The following STAT5B variants were observed in gnomAD, a reference collection of about 807,000 sequenced individuals.
STAT5B encodes signal transducer and activator of transcription 5B, also known as transcription factor STAT5B.
A neutral mutation model predicts 107.8 loss-of-function variants in STAT5B; 21 were observed. The ratio of observed to expected loss-of-function variants is 0.19; its 90% confidence interval spans 0.14 to 0.28. The LOEUF (loss-of-function observed/expected upper bound fraction) is 0.28, where lower values mean the gene tolerates loss of function less well. Ranked by LOEUF, STAT5B falls within the 10% of genes least tolerant of loss-of-function variation. The probability of loss-of-function intolerance (pLI) is 1.00; values close to 1 mark genes in which losing one functional copy is unlikely to be tolerated. For synonymous variants in STAT5B, 325 were observed against 401.7 expected (o/e 0.81, Z 2.28); for missense variants, 565 against 1,008.2 (o/e 0.56, Z 5.95).
chr17:42,285,655 A>G, the STAT5B span, among the ~76,000 whole-genome samples: 1 of 152,178 alleles, frequency 6.6e-6, no homozygotes, highest in Non-Finnish European at 1.5e-5. Flanking sequence ...AGGGGACTGA[A>G]AGCAAAAAGA....
intron 1 of STAT5B, among the ~76,000 whole-genome samples, chr17:42,250,333 T>C (rs542059310): frequency 3.3e-5 from 5 of 152,260 alleles, no homozygotes; most frequent in East Asian, 1.9e-4. Context: ...GAAATGAAGA[T>C]AGTATGGAGT....
upstream of STAT5B, among the ~76,000 whole-genome samples, chr17:42,279,329 A>G (rs1176100225): frequency 2.6e-5 from 4 of 152,232 alleles, no homozygotes; most frequent in Admixed American, 2.0e-4. Context: ...GTTGCGGGAA[A>G]TAAGTGTTTA....
chr17:42,276,519 C>G (rs1184811013), upstream of STAT5B: 1 of 151,066 alleles, frequency 6.6e-6, no homozygotes, highest in Non-Finnish European at 1.5e-5. The surrounding 1 kb of genome is among the most constrained non-coding windows in gnomAD (Gnocchi z 4.8). Context: ...GCTCGCTAGC[C>G]CGCTGTCCCT....
chr17:42,203,568 A>G (rs1039932371), intron 16 of STAT5B, among the ~76,000 whole-genome samples: 2 of 152,182 alleles, frequency 1.3e-5, no homozygotes, highest in African/African-American at 4.8e-5. Flanking sequence ...TTCTAAGTAG[A>G]ACTGCCAGGA....
chr17:42,239,693 T>C (rs1047191287), intron 1 of STAT5B, among the ~76,000 whole-genome samples: 1 of 152,226 alleles, frequency 6.6e-6, no homozygotes, highest in Non-Finnish European at 1.5e-5. Context: ...CAAGATTAAG[T>C]AGAATTGTAA....
chr17:42,267,649 G>A (rs114011386), intron 1 of STAT5B, among the ~76,000 whole-genome samples: 3,289 of 152,224 alleles, frequency 0.022, 108 homozygotes, highest in African/African-American at 0.076. Context: ...CTACAAAAGA[G>A]TTTAAAAGTG....
the STAT5B span, among the ~76,000 whole-genome samples, chr17:42,282,462 T>A: frequency 3.3e-5 from 5 of 152,166 alleles, no homozygotes; most frequent in East Asian, 9.6e-4. Flanking sequence ...TAGCTGGGAT[T>A]ACAGGCATCT....
the STAT5B span, among the ~76,000 whole-genome samples, chr17:42,285,505 G>A: frequency 5.2e-4 from 79 of 152,314 alleles, no homozygotes; most frequent in Admixed American, 1.2e-3. Flanking sequence ...GCCTCGGACC[G>A]CAGCTCAGTC....
chr17:42,236,726 C>A (rs575128259), intron 1 of STAT5B, among the ~76,000 whole-genome samples: 2 of 152,162 alleles, frequency 1.3e-5, no homozygotes, highest in African/African-American at 2.4e-5. Flanking sequence ...CGTGAGCCAG[C>A]GTGCCTGGCA....
At chr17:42,236,187 T>C (rs2080355292) in intron 1 of STAT5B, among the ~76,000 whole-genome samples, 1 of 152,208 alleles carries the variant, frequency 6.6e-6, no homozygotes, top group African/African-American at 2.4e-5. Flanking sequence ...AAATACAATA[T>C]AGTTTCACTA....
upstream of STAT5B, among the ~76,000 whole-genome samples, chr17:42,279,720 G>C (rs946574618): frequency 1.3e-5 from 2 of 151,834 alleles, no homozygotes; most frequent in Non-Finnish European, 2.9e-5. Context: ...AGAATCACTT[G>C]AAACTGGGAG....
chr17:42,224,411 C>A (rs1235583604), intron 4 of STAT5B, among the ~76,000 whole-genome samples: 2 of 151,608 alleles, frequency 1.3e-5, no homozygotes, highest in Non-Finnish European at 2.9e-5. Context: ...GCGATCATGG[C>A]TCACTGCAGC....
chr17:42,224,797 C>G lies in STAT5B; in HGVS notation c.357G>C (p.Leu119Phe), dbSNP rs1365904259. 7 of 1,613,726 alleles carry G rather than the reference C, an allele frequency of 4.3e-6. No individual in the cohort carries two copies. The highest frequency in any genetic ancestry group is 5.9e-6 in the Non-Finnish European group (7 of 1,179,852). The change falls in exon 4 of 19, where the codon TTG becomes TTC. Residue 119 changes from leucine (L) to phenylalanine (F), a missense_variant. This residue lies in a region of STAT5B where 54 missense variants were observed against 49.7 expected (regional missense o/e 1.09). Transcript: ENST00000293328. ...CACTCACATTGTTGGCTTCTCGGAC[C>G]AACCTCTGTTCATTGTACAATATAT... is the stretch of plus-strand genomic sequence containing the variant. ...IRHILYNEQR[L>F]VREANNGSSP...
chr17:42,284,995 A>G, the STAT5B span, among the ~76,000 whole-genome samples: 1 of 152,224 alleles, frequency 6.6e-6, no homozygotes, highest in Non-Finnish European at 1.5e-5. Context: ...CAGGATACGA[A>G]TATAGTGTGC....
Position 42,216,105 on chromosome 17 carries a change from G to A in STAT5B, c.1382C>T (p.Thr461Ile), listed in dbSNP as rs2080169504. 1 of 1,612,516 alleles carries A rather than the reference G, an allele frequency of 6.2e-7. No individual in the cohort carries two copies. Among genetic ancestry groups the A allele is most frequent in the Non-Finnish European group, 8.5e-7 (1 of 1,179,454 alleles). ...GGNELVFQVKTLSLPVVVIVH... is the reference protein window; with the variant it reads ...GGNELVFQVKILSLPVVVIVH... Reference sequence around the variant, plus strand: ...GATCACCACCACTGGCAGGGACAGGGTCTAAAAAGACACAAGAGAAGGCTG... The same window carrying A: ...GATCACCACCACTGGCAGGGACAGGATCTAAAAAGACACAAGAGAAGGCTG... Residue 461 changes from threonine to isoleucine, a missense_variant and splice_region_variant, in exon 12 of 19, where the codon ACC (threonine) becomes ATC (isoleucine). Thr to Ile is a moderately conservative substitution (Grantham distance 89). Transcript: ENST00000293328.
At chr17:42,275,031 G>C (rs954061700) in intron 1 of STAT5B, 1 of 152,208 alleles carries the variant, frequency 6.6e-6, no homozygotes, top group African/African-American at 2.4e-5. Context: ...GTATGGAATT[G>C]TATCTAGGCA....
At position 42,200,784 on chromosome 17, in the gene STAT5B, A is replaced by G. The variant is rs2080037463; in HGVS notation, c.*954T>C. On this transcript the variant is annotated 3_prime_UTR_variant, in exon 19 of 19. Coordinates refer to ENST00000293328, the MANE Select transcript of STAT5B (RefSeq NM_012448.4). ...TCAACATTTGCAAAAAGCATCATCA[A>G]TAAGCCTGAAGAAGGCCACGGACTG... 3 of 319,400 alleles carry G rather than the reference A, an allele frequency of 9.4e-6. No individual in the cohort carries two copies. The highest frequency in any genetic ancestry group is 6.4e-5 in the African/African-American group (3 of 47,178). 19.8% of individuals were successfully genotyped at this position (319,400 alleles called of 1,614,324 possible).
chr17:42,243,356 CA>C (rs1013311958), intron 1 of STAT5B, among the ~76,000 whole-genome samples: 5 of 151,894 alleles, frequency 3.3e-5, no homozygotes, highest in African/African-American at 1.2e-4. Context: ...GACTCTGTCT[CA>C]AAACAAACAA....
intron 1 of STAT5B, among the ~76,000 whole-genome samples, chr17:42,245,593 G>A (rs1369905725): frequency 6.6e-6 from 1 of 151,750 alleles, no homozygotes; most frequent in Non-Finnish European, 1.5e-5. Flanking sequence ...CGCGATCTTG[G>A]CTCACTGCAA....
Sources: allele counts gnomAD v4.1 joint callset (sites outside exome capture counted in the v4.1 genomes callset), GRCh38; gene constraint gnomAD v4.1.1; regional missense constraint gnomAD v4.1.1; non-coding constraint Gnocchi (gnomAD v3.1); transcripts MANE v1.5; gene names NCBI Gene and HGNC (gene_info 2026-07-23, HGNC 2026-07-21).